Variants in PPARGC1B observed in about 807,000 individuals in gnomAD.
PPARGC1B encodes peroxisome proliferator-activated receptor gamma coactivator 1-beta.
A neutral mutation model predicts 101.6 loss-of-function variants in PPARGC1B; 34 were observed. The observed-to-expected ratio is 0.33, with a 90% CI of 0.25 to 0.45. PPARGC1B has a LOEUF of 0.45. Ranked by LOEUF, PPARGC1B falls within the 20% of genes least tolerant of loss-of-function variation. The pLI is 1.00. For synonymous variants in PPARGC1B, 548 were observed against 539.3 expected, an observed-to-expected ratio of 1.02 and a Z score of -0.22; for missense variants, 1,234 against 1,317.6, an observed-to-expected ratio of 0.94 and a Z score of 0.98.
At chr5:149,756,457 GAAAAACA>G (rs908542364) in intron 1 of PPARGC1B, among the ~76,000 whole-genome samples, 5 of 151,902 alleles carry the variant, frequency 3.3e-5, no homozygotes, top group African/African-American at 1.2e-4. Flanking sequence ...ATCTCAAAAA[GAAAAACA>G]AAAAACAAAA....
At chr5:149,765,183 G>A (rs1322239093) in intron 1 of PPARGC1B, among the ~76,000 whole-genome samples, 2 of 152,268 alleles carry the variant, frequency 1.3e-5, no homozygotes, top group East Asian at 1.9e-4. Flanking sequence ...GGGTCAGCTT[G>A]TTAAAGGAGG....
intron 1 of PPARGC1B, among the ~76,000 whole-genome samples, chr5:149,774,221 C>T (rs1756262250): frequency 6.6e-6 from 1 of 152,162 alleles, no homozygotes; most frequent in Admixed American, 6.5e-5. Context: ...TGTGGAGTCC[C>T]CTGTTCCCCC....
chr5:149,846,276 C>A, intron 11 of PPARGC1B: 1 of 452,788 alleles, frequency 2.2e-6, no homozygotes, highest in Non-Finnish European at 3.9e-6. Flanking sequence ...CGTGGTGACC[C>A]CAGACAAGGC....
At chr5:149,748,699 A>G (rs951068434) in intron 1 of PPARGC1B, among the ~76,000 whole-genome samples, 7 of 152,212 alleles carry the variant, frequency 4.6e-5, no homozygotes, top group South Asian at 4.1e-4. Flanking sequence ...GATGGCTAGC[A>G]TATCATGTGG....
intron 1 of PPARGC1B, among the ~76,000 whole-genome samples, chr5:149,813,900 G>A (rs942557495): frequency 6.6e-6 from 1 of 152,148 alleles, no homozygotes; most frequent in Non-Finnish European, 1.5e-5. Flanking sequence ...GGTGGGAGGG[G>A]CAACCGAGCT....
chr5:149,814,923 G>A (rs1362840740), intron 1 of PPARGC1B, among the ~76,000 whole-genome samples: 1 of 152,230 alleles, frequency 6.6e-6, no homozygotes, highest in East Asian at 1.9e-4. Flanking sequence ...CCCTACACAC[G>A]GGCCGTACAA....
At chr5:149,842,510 C>A in intron 10 of PPARGC1B, 133 bp downstream of exon 10, 3 of 1,278,640 alleles carry the variant, frequency 2.3e-6, no homozygotes, top group Non-Finnish European at 3.3e-6. Context: ...ATGTGGAAAG[C>A]CAGGCCCATG....
At chr5:149,843,674 C>T (rs543682190) in intron 10 of PPARGC1B, among the ~76,000 whole-genome samples, 10 of 152,244 alleles carry the variant, frequency 6.6e-5, no homozygotes, top group African/African-American at 2.4e-4. Flanking sequence ...ACAGGATCTC[C>T]AAGAGGTATT....
rs1183850734 is a variant in PPARGC1B at position 149,837,600 on chromosome 5, G to C, written c.2618+527G>C. On this transcript the variant is annotated intron_variant, in intron 8 of 11. Coordinates refer to ENST00000309241, the MANE Select transcript of PPARGC1B (RefSeq NM_133263.4). The surrounding 1 kb of genome is among the most constrained non-coding windows in gnomAD (Gnocchi z 4.2). ...GGCTTTCACCAGTTGGCTGCCCCTC[G>C]AAGGGCTTTGACCTCAGTGGAGGGA... Among the ~76,000 whole-genome samples, 1 of 152,156 alleles carries C rather than the reference G, an allele frequency of 6.6e-6. No individual in the cohort carries two copies. The highest frequency in any genetic ancestry group is 6.5e-5 in the Admixed American group (1 of 15,282).
At chr5:149,799,831 G>T (rs534109589) in intron 1 of PPARGC1B, among the ~76,000 whole-genome samples, 1 of 151,578 alleles carries the variant, frequency 6.6e-6, no homozygotes, top group African/African-American at 2.4e-5. Context: ...CTGAATAGCT[G>T]GGACTACAGG....
chr5:149,775,439 C>T (rs1412151737), intron 1 of PPARGC1B, among the ~76,000 whole-genome samples: 6 of 152,012 alleles, frequency 3.9e-5, no homozygotes, highest in African/African-American at 7.3e-5. Flanking sequence ...AGTAGGGTGA[C>T]GCATGTGGCC....
chr5:149,826,618 G>A, intron 2 of PPARGC1B, 55 bp from the exon 3 acceptor site: 1 of 1,382,864 alleles, frequency 7.2e-7, no homozygotes, highest in Non-Finnish European at 1.0e-6. Context: ...GTCTAAGGTG[G>A]TGACTAACCA....
At chr5:149,779,154 T>A (rs1335365166) in intron 1 of PPARGC1B, among the ~76,000 whole-genome samples, 2 of 152,138 alleles carry the variant, frequency 1.3e-5, no homozygotes, top group East Asian at 3.9e-4. Context: ...GTGCAGCCCA[T>A]GGAAAGGAGT....
At chr5:149,815,423 A>G (rs1758015880) in intron 1 of PPARGC1B, among the ~76,000 whole-genome samples, 1 of 152,168 alleles carries the variant, frequency 6.6e-6, no homozygotes, top group Admixed American at 6.5e-5. Context: ...CCAAGGAGAA[A>G]GGCCTGGAAC....
chr5:149,847,670 A>C lies in PPARGC1B; in HGVS notation c.*112A>C. ...GAGGAGAGCGAGCGAGCGTGAGAGA[A>C]CACCCGTGAGAGAGACTTGAAACTG... On this transcript the variant is annotated 3_prime_UTR_variant, in exon 12 of 12. Transcript: ENST00000309241. 1.3e-6 allele frequency: 1 copy of C among 764,784 alleles called. No homozygotes were observed. Among genetic ancestry groups the C allele is most frequent in the Non-Finnish European group, 2.2e-6 (1 of 455,268 alleles). The allele number at this position is 764,784 out of a possible 1,614,324, so 47.4% of individuals were successfully genotyped here. A position where few individuals can be genotyped will look rare whatever the true frequency, so the allele number is the denominator to read the frequency against.
At chr5:149,826,641 C>T in intron 2 of PPARGC1B, 32 bp from the exon 3 acceptor site, 1 of 1,552,968 alleles carries the variant, frequency 6.4e-7, no homozygotes, top group South Asian at 1.1e-5. Flanking sequence ...TCCCCATCTG[C>T]CTTTCTGACC....
chr5:149,784,756 A>G (rs902816670), intron 1 of PPARGC1B, among the ~76,000 whole-genome samples: 20 of 151,108 alleles, frequency 1.3e-4, no homozygotes, highest in Admixed American at 6.6e-5. Context: ...TTTAGTAGAG[A>G]CGGGGTTTCA....
intron 1 of PPARGC1B, among the ~76,000 whole-genome samples, chr5:149,762,362 G>A (rs1755748183): frequency 6.6e-6 from 1 of 152,110 alleles, no homozygotes; most frequent in Non-Finnish European, 1.5e-5. Context: ...GCCCAGGCTG[G>A]TATCAAACTC....
chr5:149,845,057 C>T (rs559879439), intron 10 of PPARGC1B, among the ~76,000 whole-genome samples: 1 of 152,312 alleles, frequency 6.6e-6, no homozygotes, highest in South Asian at 2.1e-4. Flanking sequence ...CTTGAACAAA[C>T]CATGGTGTCC....
Sources: allele counts gnomAD v4.1 joint callset (sites outside exome capture counted in the v4.1 genomes callset), GRCh38; gene constraint gnomAD v4.1.1; non-coding constraint Gnocchi (gnomAD v3.1); transcripts MANE v1.5; gene names NCBI Gene and HGNC (gene_info 2026-07-23, HGNC 2026-07-21).